The following DACH2 variants were observed in gnomAD, a reference collection of about 807,000 sequenced individuals.
DACH2 encodes dachshund homolog 2.
DACH2 carries 17 observed loss-of-function variants against 35.8 expected under a neutral mutation model. That is an observed-to-expected ratio of 0.48 (90% CI 0.33 to 0.71). The LOEUF (loss-of-function observed/expected upper bound fraction) is 0.71. Ranked by LOEUF, DACH2 falls within the 30% of genes least tolerant of loss-of-function variation. The pLI is 0.02. For synonymous variants in DACH2, 195 were observed against 177.3 expected (o/e 1.10, Z -0.79); for missense variants, 469 against 472.7 (o/e 0.99, Z 0.07).
At chrX:86,586,256 G>A (rs749318651) in intron 3 of DACH2, among the ~76,000 whole-genome samples, 54 of 110,707 alleles carry the variant, frequency 4.9e-4, no homozygotes, top group Non-Finnish European at 9.7e-4. Context: ...TTTTTAATGG[G>A]GTTGTTTGTT....
At chrX:86,300,356 A>G (rs1255141396) in intron 1 of DACH2, among the ~76,000 whole-genome samples, 1 of 111,755 alleles carries the variant, frequency 8.9e-6, no homozygotes, top group Non-Finnish European at 1.9e-5. Context: ...TATTACTTTT[A>G]TTTTAATCAT....
intron 3 of DACH2, among the ~76,000 whole-genome samples, chrX:86,650,699 T>A (rs1197907928): frequency 2.7e-5 from 3 of 111,488 alleles, no homozygotes; most frequent in Non-Finnish European, 5.7e-5. Context: ...AAATTGGGGA[T>A]CAGATATATA....
intron 2 of DACH2, among the ~76,000 whole-genome samples, chrX:86,457,790 G>T (rs777341331): frequency 8.9e-6 from 1 of 111,942 alleles, no homozygotes; most frequent in African/African-American, 3.2e-5. Context: ...GAGTAGATGC[G>T]TGGGCAAGTA....
intron 7 of DACH2, among the ~76,000 whole-genome samples, chrX:86,753,075 C>CAT (rs34643111): frequency 9.3e-6 from 1 of 108,012 alleles, no homozygotes; most frequent in African/African-American, 3.4e-5. Context: ...CACACACACA[C>CAT]ATACACCCCG....
intron 2 of DACH2, among the ~76,000 whole-genome samples, chrX:86,413,157 A>G (rs1209827465): frequency 1.8e-5 from 2 of 112,008 alleles, no homozygotes; most frequent in Non-Finnish European, 3.8e-5. Flanking sequence ...TGTCTCACCA[A>G]TAAGTCCAGT....
At position 86,814,718 on chromosome X, in the gene DACH2, A is replaced by T. The variant is rs760364205; in HGVS notation, c.1568A>T (p.Lys523Ile). Residue 523 changes from lysine (K) to isoleucine (I), a missense_variant, in exon 10 of 12, where the codon AAA becomes ATA. This residue lies in a region of DACH2 where 363 missense variants were observed against 334.4 expected (regional missense o/e 1.09). Coordinates refer to ENST00000373125, the MANE Select transcript of DACH2 (RefSeq NM_053281.3). ...ATGCAAAAGCGCCTGAAGAAGGAGA[A>T]AAAAACCAAGAGAAAATTGCAGGAA... ...TTMQKRLKKE[K>I]KTKRKLQEAL... 8.3e-7 allele frequency: 1 copy of T among 1,211,708 alleles called. No homozygotes were observed. The highest frequency in any genetic ancestry group is 1.8e-5 in the South Asian group (1 of 56,964).
chrX:86,626,435 T>C (rs1429800719), intron 3 of DACH2, among the ~76,000 whole-genome samples: 2 of 112,617 alleles, frequency 1.8e-5, no homozygotes, highest in Admixed American at 9.3e-5. Flanking sequence ...AAGCTGTCAG[T>C]GGAACTACTA....
At chrX:86,305,015 G>A (rs1409738203) in intron 1 of DACH2, 2 of 148,525 alleles carry the variant, frequency 1.3e-5, no homozygotes, top group Non-Finnish European at 3.0e-5. Flanking sequence ...GGAGGCTGAA[G>A]TGCAGCTGAG....
chrX:86,419,764 A>G (rs766888971), intron 2 of DACH2, among the ~76,000 whole-genome samples: 71 of 112,087 alleles, frequency 6.3e-4, no homozygotes, highest in Non-Finnish European at 1.1e-3. Flanking sequence ...ACCACAAAGT[A>G]GTCACTTTTG....
chrX:86,632,122 A>T (rs2040207933), intron 3 of DACH2, among the ~76,000 whole-genome samples: 1 of 111,683 alleles, frequency 9.0e-6, no homozygotes, highest in Admixed American at 9.6e-5. Flanking sequence ...GGTCAGTGAC[A>T]TATAAAGTAT....
At chrX:86,390,909 G>A (rs2036190899) in intron 2 of DACH2, among the ~76,000 whole-genome samples, 1 of 110,264 alleles carries the variant, frequency 9.1e-6, no homozygotes. Context: ...TTAAAATATA[G>A]GAAATATAGT....
chrX:86,344,651 C>CT (rs1278895024), intron 1 of DACH2, among the ~76,000 whole-genome samples: 1 of 111,267 alleles, frequency 9.0e-6, no homozygotes, highest in Non-Finnish European at 1.9e-5. Flanking sequence ...TCCACAGTCA[C>CT]TTTTCCTTTC....
intron 7 of DACH2, among the ~76,000 whole-genome samples, chrX:86,805,621 C>T (rs2042337497): frequency 9.0e-6 from 1 of 111,423 alleles, no homozygotes; most frequent in African/African-American, 3.3e-5. Context: ...CCCTGCTCCC[C>T]TTTTAAACAT....
intron 3 of DACH2, among the ~76,000 whole-genome samples, chrX:86,531,847 G>A (rs751593234): frequency 3.9e-4 from 44 of 112,712 alleles, no homozygotes; most frequent in African/African-American, 1.3e-3. Context: ...AAAGCCGCAG[G>A]CACTCAATGC....
At chrX:86,249,322 T>C (rs2033352660) in intron 1 of DACH2, among the ~76,000 whole-genome samples, 1 of 110,874 alleles carries the variant, frequency 9.0e-6, no homozygotes, top group Admixed American at 9.7e-5. Flanking sequence ...ATGTCTCATA[T>C]CCAGAACCTA....
intron 1 of DACH2, among the ~76,000 whole-genome samples, chrX:86,233,670 G>T (rs1001043102): frequency 8.9e-6 from 1 of 111,928 alleles, no homozygotes; most frequent in African/African-American, 3.3e-5. Flanking sequence ...TCACGCTGCT[G>T]ATAAAGACAT....
rs1239716988 is a variant in DACH2 at position 86,750,715 on chromosome X, T to C, written c.1240+10833T>C. 2.7e-5 allele frequency among the ~76,000 whole-genome samples: 3 copies of C among 112,226 alleles called. 1 individual carries two copies. The highest frequency in any genetic ancestry group is 7.2e-4 in the South Asian group (2 of 2,761). On this transcript the variant is annotated intron_variant, in intron 7 of 11. Coordinates refer to ENST00000373125, the MANE Select transcript of DACH2 (RefSeq NM_053281.3). ...TTTGTCATTGTGTGACTGGCTTTTT[T>C]CATTTAGCCAAATGTCCACCAGGTT...
intron 1 of DACH2, among the ~76,000 whole-genome samples, chrX:86,279,221 G>T (rs1002837079): frequency 1.8e-5 from 2 of 111,968 alleles, no homozygotes; most frequent in Admixed American, 9.4e-5. Flanking sequence ...CCTCAAGTAG[G>T]TCCCTGACCC....
intron 2 of DACH2, among the ~76,000 whole-genome samples, chrX:86,409,086 A>G (rs2036569473): frequency 9.0e-6 from 1 of 111,471 alleles, no homozygotes; most frequent in Non-Finnish European, 1.9e-5. Flanking sequence ...GGAGAAAAAT[A>G]TTTGGATGAT....
Sources: allele counts gnomAD v4.1 joint callset (sites outside exome capture counted in the v4.1 genomes callset), GRCh38; gene constraint gnomAD v4.1.1; regional missense constraint gnomAD v4.1.1; transcripts MANE v1.5; gene names NCBI Gene and HGNC (gene_info 2026-07-23, HGNC 2026-07-21).